Variants in TRPM3 observed in about 807,000 individuals in gnomAD.
TRPM3 encodes transient receptor potential cation channel subfamily M member 3.
Under a neutral mutation model 181.2 loss-of-function variants are expected in TRPM3, and 77 were observed. That is an observed-to-expected ratio of 0.42 (90% CI 0.35 to 0.51). The LOEUF is 0.51. Among genes scored for constraint, TRPM3 ranks in the 20% least tolerant of loss-of-function variants. TRPM3 has a pLI of 0.01. For missense variants in TRPM3, 1,759 were observed against 2,196.7 expected, an observed-to-expected ratio of 0.80 and a Z score of 3.98; for synonymous variants, 745 against 796.4, an observed-to-expected ratio of 0.94 and a Z score of 1.09.
intron 3 of TRPM3, among the ~76,000 whole-genome samples, chr9:70,852,388 T>C (rs1337733793): frequency 6.6e-6 from 1 of 152,064 alleles, no homozygotes; most frequent in Non-Finnish European, 1.5e-5. Context: ...ACAGCCCAGG[T>C]CTGACTCCAG....
At chr9:70,955,747 G>A (rs946914176) in intron 1 of TRPM3, among the ~76,000 whole-genome samples, 3 of 152,130 alleles carry the variant, frequency 2.0e-5, no homozygotes, top group Admixed American at 1.3e-4. Flanking sequence ...ATTACCTACA[G>A]TATAAGCCCC....
intron 2 of TRPM3, 22 bp from the exon 3 acceptor site, chr9:70,863,134 T>C (rs1355697591): frequency 6.2e-7 from 1 of 1,605,270 alleles, no homozygotes; most frequent in Non-Finnish European, 8.5e-7. Context: ...GAGGTTAAAG[T>C]GAACCCCTGG....
At chr9:70,657,710 G>C (rs1169271125) in intron 9 of TRPM3, among the ~76,000 whole-genome samples, 3 of 151,962 alleles carry the variant, frequency 2.0e-5, no homozygotes, top group Non-Finnish European at 4.4e-5. Context: ...TGAGTTACAG[G>C]GCTTTTACTC....
rs1283614395 is a variant in TRPM3, at chr9:71,075,740, T to A, written c.177+45438A>T. Among the ~76,000 whole-genome samples the A allele has an allele frequency of 2.0e-5, 3 of 152,192 alleles. No homozygotes were observed. In the East Asian group the frequency reaches 5.8e-4, roughly 29 times the overall value. On this transcript the variant is annotated intron_variant, in intron 1 of 25. Coordinates refer to ENST00000677713, the MANE Select transcript of TRPM3 (RefSeq NM_001366145.2). ...CAAAAGTAAATATTAAAGCAAAATG[T>A]TTTCTTATTCCAATTTAGGGAAAAC...
At chr9:71,091,639 T>A (rs2066240346) in intron 1 of TRPM3, among the ~76,000 whole-genome samples, 1 of 152,178 alleles carries the variant, frequency 6.6e-6, no homozygotes, top group South Asian at 2.1e-4. Context: ...AAACAACTCC[T>A]GGGGTTTCCA....
intron 8 of TRPM3, among the ~76,000 whole-genome samples, chr9:70,746,831 A>C (rs1277107971): frequency 6.6e-6 from 1 of 152,130 alleles, no homozygotes; most frequent in Non-Finnish European, 1.5e-5. Context: ...TGAGTGATGA[A>C]GGCAGAGTTG....
intron 18 of TRPM3, 95 bp from the exon 19 acceptor site, chr9:70,610,844 GA>G (rs758844373): frequency 4.2e-6 from 6 of 1,435,866 alleles, no homozygotes; most frequent in Non-Finnish European, 5.7e-6. Flanking sequence ...GATGCTCATA[GA>G]ACCTAAGAAC....
chr9:71,166,345 G>A (rs1451118894), intron 1 of TRPM3, among the ~76,000 whole-genome samples: 1 of 152,148 alleles, frequency 6.6e-6, no homozygotes, highest in Non-Finnish European at 1.5e-5. Flanking sequence ...GAGCAGCCCA[G>A]TTATCTAGCA....
At chr9:71,045,656 G>C (rs1476680664) in intron 1 of TRPM3, among the ~76,000 whole-genome samples, 1 of 152,186 alleles carries the variant, frequency 6.6e-6, no homozygotes, top group Non-Finnish European at 1.5e-5. Context: ...TTTTGACTGG[G>C]AGAAAGAAAG....
intron 6 of TRPM3, among the ~76,000 whole-genome samples, chr9:70,797,982 T>G (rs2087674585): frequency 6.6e-6 from 1 of 152,256 alleles, no homozygotes; most frequent in African/African-American, 2.4e-5. Context: ...CAGTCATATC[T>G]TGGGTTCCAC....
At chr9:70,746,418 C>A (rs4745034) in intron 8 of TRPM3, among the ~76,000 whole-genome samples, 147,838 of 152,214 alleles carry the variant, frequency 0.97, 71,948 homozygotes, top group East Asian at 1. Flanking sequence ...ATCAGCTTCA[C>A]ACATACTCTC....
intron 3 of TRPM3, among the ~76,000 whole-genome samples, chr9:70,855,672 G>A (rs956440158): frequency 3.3e-5 from 5 of 152,038 alleles, no homozygotes; most frequent in South Asian, 2.1e-4. Flanking sequence ...TTTTCCTTTC[G>A]GTTTGAGAAA....
At chr9:71,124,536 T>G (rs544006821), upstream of TRPM3, among the ~76,000 whole-genome samples, 4 of 152,278 alleles carry the variant, frequency 2.6e-5, no homozygotes, top group South Asian at 8.3e-4. Flanking sequence ...GAGCCAACTC[T>G]AATTCTCTCC....
intron 1 of TRPM3, among the ~76,000 whole-genome samples, chr9:71,259,536 T>C (rs2082897757): frequency 6.6e-6 from 1 of 152,150 alleles, no homozygotes; most frequent in Admixed American, 6.5e-5. Context: ...TGTTTCTCCA[T>C]ATCCTCTCCT....
chr9:71,026,874 C>T (rs923036297), intron 1 of TRPM3, among the ~76,000 whole-genome samples: 6 of 152,308 alleles, frequency 3.9e-5, no homozygotes, highest in Admixed American at 2.6e-4. Context: ...GTGGGGGACC[C>T]TGGCCCCCCA....
chr9:70,589,449 A>G (rs1207799938), intron 22 of TRPM3, among the ~76,000 whole-genome samples: 1 of 152,234 alleles, frequency 6.6e-6, no homozygotes, highest in African/African-American at 2.4e-5. Context: ...AGAAAGGAAA[A>G]CTAAAAAAGG....
At chr9:70,588,691 A>C (rs898261423) in intron 22 of TRPM3, among the ~76,000 whole-genome samples, 16 of 152,188 alleles carry the variant, frequency 1.1e-4, no homozygotes, top group African/African-American at 3.9e-4. Context: ...GAAAAGAGGC[A>C]AGACGTCGTA....
At chr9:71,313,512 TCACA>T (rs1250397837) in intron 1 of TRPM3, among the ~76,000 whole-genome samples, 3 of 152,266 alleles carry the variant, frequency 2.0e-5, no homozygotes, top group African/African-American at 7.2e-5. Context: ...CAAAAATAAA[TCACA>T]TCATATTTTA....
chr9:71,060,030 C>T (rs1054677655), intron 1 of TRPM3, among the ~76,000 whole-genome samples: 1 of 152,046 alleles, frequency 6.6e-6, no homozygotes, highest in African/African-American at 2.4e-5. Context: ...TGTATACATA[C>T]ATTTGAAGGT....
Sources: allele counts gnomAD v4.1 joint callset (sites outside exome capture counted in the v4.1 genomes callset), GRCh38; gene constraint gnomAD v4.1.1; transcripts MANE v1.5; gene names NCBI Gene and HGNC (gene_info 2026-07-23, HGNC 2026-07-21).